The following FBXO2 variants were observed in gnomAD, a reference collection of about 807,000 sequenced individuals.
The protein encoded by FBXO2 is F-box protein 2, also known as F-box only protein 2.
In FBXO2, 32 loss-of-function variants were observed where a neutral mutation model predicts 38.6. The ratio of observed to expected loss-of-function variants is 0.83; its 90% confidence interval spans 0.62 to 1.11. FBXO2 has a LOEUF of 1.11. FBXO2 is among the 50% of genes most tolerant of loss of function. The probability of loss-of-function intolerance (pLI) is 0.00; values close to 1 mark genes in which losing one functional copy is unlikely to be tolerated. For missense variants in FBXO2, 450 were observed against 418.3 expected (o/e 1.08, Z -0.66); for synonymous variants, 189 against 182.9 (o/e 1.03, Z -0.27).
rs1055547 is a variant in FBXO2, at chr1:11,648,679, T to A, written c.*15A>T. On this transcript the variant is annotated 3_prime_UTR_variant, in exon 6 of 6. Coordinates refer to ENST00000354287, the MANE Select transcript of FBXO2 (RefSeq NM_012168.6). The surrounding 1 kb of genome is among the most constrained non-coding windows in gnomAD (Gnocchi z 4.2). Reference sequence around the variant, plus strand: ...GCCCCTCCAGGCAGCTGGGGGAGAGTGGAGGCAGGGTCGCTCAGGGTTCTA... The same window carrying A: ...GCCCCTCCAGGCAGCTGGGGGAGAGAGGAGGCAGGGTCGCTCAGGGTTCTA... 6.2e-7 allele frequency: 1 copy of A among 1,611,484 alleles called. No homozygotes were observed. Among genetic ancestry groups the A allele is most frequent in the Non-Finnish European group, 8.5e-7 (1 of 1,178,912 alleles).
At chr1:11,650,422 T>G in intron 2 of FBXO2, 44 bp downstream of exon 2, 5 of 1,588,282 alleles carry the variant, frequency 3.1e-6, no homozygotes, top group Non-Finnish European at 4.3e-6. Context: ...TTCGGCCCAT[T>G]TCGCAGCAGG....
chr1:11,648,654 GCC>G lies in FBXO2; in HGVS notation c.*38_*39del, dbSNP rs758020366. ...TAAGGCCTATCTACCCTCGACCTTT[GCC>G]CCTCCAGGCAGCTGGGGGAGAGTGG... On this transcript the variant is annotated 3_prime_UTR_variant, in exon 6 of 6. Coordinates refer to ENST00000354287, the MANE Select transcript of FBXO2 (RefSeq NM_012168.6). This position sits in a 1 kb window ranked among gnomAD's most constrained non-coding sequence, Gnocchi z 4.2. 38 of 1,606,768 alleles carry G rather than the reference GCC, an allele frequency of 2.4e-5. No individual in the cohort carries two copies. Among genetic ancestry groups the G allele is most frequent in the Non-Finnish European group, 6.0e-6 (7 of 1,175,074 alleles).
Position 11,648,416 on chromosome 1 carries a change from C to T in FBXO2, c.*278G>A, listed in dbSNP as rs1639452211. 4 of 436,534 alleles carry T rather than the reference C, an allele frequency of 9.2e-6. No individual in the cohort carries two copies. 27.0% of individuals were successfully genotyped at this position (436,534 alleles called of 1,614,324 possible). ...TTGGACAAATAATATTTATTGAGAG[C>T]CCACTTTGTGGCAAGCACTGTGCTA... On this transcript the variant is annotated 3_prime_UTR_variant, in exon 6 of 6. Coordinates refer to ENST00000354287, the MANE Select transcript of FBXO2 (RefSeq NM_012168.6). This position sits in a 1 kb window ranked among gnomAD's most constrained non-coding sequence, Gnocchi z 4.2.
At chr1:11,649,262 G>A in intron 4 of FBXO2, 37 bp from the exon 5 acceptor site, 2 of 1,397,572 alleles carry the variant, frequency 1.4e-6, no homozygotes, top group Non-Finnish European at 1.9e-6. Context: ...GGGGCGGGAG[G>A]TGGGGTGGGG....
intron 1 of FBXO2, among the ~76,000 whole-genome samples, chr1:11,651,945 C>T (rs143382318): frequency 0.01 from 1,538 of 152,248 alleles, 24 homozygotes; most frequent in African/African-American, 0.035. Flanking sequence ...GTGATCCACC[C>T]GCCTCAGCCT....
rs181587119 is a variant in FBXO2, at chr1:11,648,690, T to A, written c.*4A>T. 21 of 1,611,978 alleles carry A rather than the reference T, an allele frequency of 1.3e-5. No individual in the cohort carries two copies. In the Admixed American group the frequency reaches 1.5e-4, roughly 12 times the overall value. ...CAGCTGGGGGAGAGTGGAGGCAGGG[T>A]CGCTCAGGGTTCTACCCACACGCTG... is the stretch of plus-strand genomic sequence containing the variant. On this transcript the variant is annotated 3_prime_UTR_variant, in exon 6 of 6. Coordinates refer to ENST00000354287, the MANE Select transcript of FBXO2 (RefSeq NM_012168.6). The surrounding 1 kb of genome is among the most constrained non-coding windows in gnomAD (Gnocchi z 4.2).
intron 1 of FBXO2, among the ~76,000 whole-genome samples, chr1:11,653,823 C>T (rs996522319): frequency 3.9e-5 from 6 of 152,248 alleles, no homozygotes; most frequent in Admixed American, 2.6e-4. Context: ...TAGTCGGGTC[C>T]CCACTGGGCA....
intron 1 of FBXO2, among the ~76,000 whole-genome samples, chr1:11,651,704 C>CTT (rs34148336): frequency 7.6e-5 from 11 of 145,444 alleles, no homozygotes; most frequent in South Asian, 4.4e-4. Context: ...AGGATTTTGA[C>CTT]TTTTTTTTTT....
At position 11,649,990 on chromosome 1, in the gene FBXO2, A is replaced by G. The variant is rs151288621; in HGVS notation, c.476T>C (p.Phe159Ser). Residue 159 changes from phenylalanine to serine, a missense_variant, in exon 3 of 6, where the codon TTC becomes TCC. Transcript: ENST00000354287. ...CTTCTTGACGCTCTCATCGTGGGTG[A>G]ACTCCACCCCACTGTCTCCAGGCAG... ...EELPGDSGVE[F>S]THDESVKKYF... 1 of 1,613,796 alleles carries G rather than the reference A, an allele frequency of 6.2e-7. No homozygotes were observed. The highest frequency in any genetic ancestry group is 1.3e-5 in the African/African-American group (1 of 74,864).
Position 11,649,760 on chromosome 1 carries a change from CA to C in FBXO2, c.617+18del. 1 of 1,612,534 alleles carries C rather than the reference CA, an allele frequency of 6.2e-7. No individual in the cohort carries two copies. The highest frequency in any genetic ancestry group is 8.5e-7 in the Non-Finnish European group (1 of 1,178,982). On this transcript the variant is annotated intron_variant, in intron 4 of 5. Transcript: ENST00000354287. ...TACCCCGCTCCTCCCAGCCCCATGC[CA>C]CCCCAGGACCCTCTCACCAGTCCTT...
chr1:11,649,634 G>T, intron 4 of FBXO2, 145 bp downstream of exon 4: 2 of 756,374 alleles, frequency 2.6e-6, no homozygotes, highest in Non-Finnish European at 4.3e-6. Context: ...CACGGAAGTT[G>T]TCAACCTTTG....
intron 5 of FBXO2, 39 bp downstream of exon 5, chr1:11,649,048 C>A (rs1209572148): frequency 1.3e-6 from 2 of 1,558,906 alleles, no homozygotes; most frequent in African/African-American, 2.7e-5. Flanking sequence ...CCCCTCATGT[C>A]CGTGCCCCAC....
chr1:11,650,111 T>C, intron 2 of FBXO2, 37 bp from the exon 3 acceptor site: 1 of 1,611,382 alleles, frequency 6.2e-7, no homozygotes, highest in Non-Finnish European at 8.5e-7. Context: ...GGTCACTCAG[T>C]CCCTGCTAAG....
chr1:11,648,793 G>C lies in FBXO2; in HGVS notation c.792C>G (p.Val264=), dbSNP rs754175936. 2 of 1,613,770 alleles carry C rather than the reference G, an allele frequency of 1.2e-6. No individual in the cohort carries two copies. Among genetic ancestry groups the C allele is most frequent in the South Asian group, 1.1e-5 (1 of 91,084 alleles). ...SHTFTDYGPG[V]RFVRFEHGGQ... ...CCCCGTGCTCGAAGCGGACGAAGCG[G>C]ACGCCCGGCCCGTAGTCGGTGAAGG... Residue 264 remains valine, a synonymous_variant, in exon 6 of 6, where the codon GTC becomes GTG. Transcript: ENST00000354287. This position sits in a 1 kb window ranked among gnomAD's most constrained non-coding sequence, Gnocchi z 4.2.
rs112338517 is a variant in FBXO2 at position 11,650,977 on chromosome 1, G to A, written c.23-143C>T. The A allele has an allele frequency of 4.3e-3, 5,487 of 1,271,806 alleles. 206 individuals carry two copies. In the African/African-American group the frequency reaches 0.076, roughly 18 times the overall value. 78.8% of individuals were successfully genotyped at this position (1,271,806 alleles called of 1,614,324 possible). A position where few individuals can be genotyped will look rare whatever the true frequency, so the allele number is the denominator to read the frequency against. ...CCGGAGATTCTGTGACTCCATACTG[G>A]TGCCCAAGGAGGAGGGCCACAAGGC... is the stretch of plus-strand genomic sequence containing the variant. On this transcript the variant is annotated intron_variant, in intron 1 of 5. Coordinates refer to ENST00000354287, the MANE Select transcript of FBXO2 (RefSeq NM_012168.6).
Position 11,649,880 on chromosome 1 carries a change from A to G in FBXO2, c.522-6T>C, listed in dbSNP as rs370464483. On this transcript the variant is annotated splice_region_variant and splice_polypyrimidine_tract_variant and intron_variant, in intron 3 of 5. Transcript: ENST00000354287. ...CCTGTGCTTTGCGACACCACCTGGG[A>G]GAACTGGAGTTAGGACAGAGCGAAC... 1.5e-4 allele frequency: 246 copies of G among 1,613,996 alleles called. 2 individuals are homozygous for G. The highest frequency in any genetic ancestry group is 1.9e-4 in the Non-Finnish European group (222 of 1,180,000).
chr1:11,654,416 C>T lies in FBXO2; in HGVS notation c.-76G>A. ...CGAGTCCCGGGGCGGCGAGTCCCGG[C>T]GCTGTCCGCGTCTGTGTCGGTCCCG... On this transcript the variant is annotated 5_prime_UTR_variant, in exon 1 of 6. Coordinates refer to ENST00000354287, the MANE Select transcript of FBXO2 (RefSeq NM_012168.6). 4.6e-6 allele frequency: 6 copies of T among 1,304,530 alleles called. No individual in the cohort carries two copies. The highest frequency in any genetic ancestry group is 4.9e-6 in the Non-Finnish European group (5 of 1,021,400). 80.8% of individuals were successfully genotyped at this position (1,304,530 alleles called of 1,614,324 possible).
In FBXO2 at chr1:11,650,682, G is replaced by C; in HGVS notation, c.175C>G (p.Leu59Val). The C allele has an allele frequency of 6.5e-7, 1 of 1,537,122 alleles. No individual in the cohort carries two copies. Among genetic ancestry groups the C allele is most frequent in the Non-Finnish European group, 8.7e-7 (1 of 1,147,230 alleles). ...ELPEPLLLRV[L>V]AALPAAELVQ... is the part of the protein sequence containing the mutation. ...AGCTCGGCGGCCGGCAGTGCGGCCA[G>C]CACGCGCAGCAGCAGCGGCTCGGGC... The change falls in exon 2 of 6, where the codon CTG (leucine) becomes GTG (valine). Residue 59 changes from leucine (L) to valine (V), a missense_variant. Leu to Val is a conservative substitution (Grantham distance 32). Transcript: ENST00000354287.
chr1:11,651,899 A>G (rs1639527578), intron 1 of FBXO2, among the ~76,000 whole-genome samples: 1 of 151,988 alleles, frequency 6.6e-6, no homozygotes, highest in Non-Finnish European at 1.5e-5. Flanking sequence ...TGGTTTCACC[A>G]TGTTGGCATG....
Sources: gnomAD v4.1 joint callset for allele counts (sites outside exome capture counted in the v4.1 genomes callset) on GRCh38, gnomAD v4.1.1 for gene constraint, Gnocchi (gnomAD v3.1) non-coding constraint, MANE v1.5 for transcripts, NCBI Gene and HGNC (gene_info 2026-07-23, HGNC 2026-07-21) for gene names.